PTPRN2: variants seen among roughly 807,000 people sequenced by gnomAD.
PTPRN2 encodes receptor-type tyrosine-protein phosphatase N2.
PTPRN2 carries 74 observed loss-of-function variants against 118.8 expected under a neutral mutation model. The ratio of observed to expected loss-of-function variants is 0.62; its 90% CI spans 0.52 to 0.76. PTPRN2 has a LOEUF of 0.76. Ranked by LOEUF, PTPRN2 falls within the 30% of genes least tolerant of loss-of-function variation. The pLI, the probability that PTPRN2 is intolerant of heterozygous loss-of-function variation, is 0.00. For synonymous variants in PTPRN2, 641 were observed against 608.0 expected, an observed-to-expected ratio of 1.05 and a Z score of -0.80; for missense variants, 1,481 against 1,394.4, an observed-to-expected ratio of 1.06 and a Z score of -0.99.
intron 11 of PTPRN2, among the ~76,000 whole-genome samples, chr7:157,932,347 G>A (rs910329344): frequency 5.3e-5 from 8 of 152,066 alleles, no homozygotes; most frequent in African/African-American, 1.7e-4. Flanking sequence ...CCTGCATACC[G>A]ACGTCATGTC....
At chr7:158,225,536 C>T (rs143202188) in intron 3 of PTPRN2, among the ~76,000 whole-genome samples, 1 of 152,304 alleles carries the variant, frequency 6.6e-6, no homozygotes, top group East Asian at 1.9e-4. Flanking sequence ...CTATGGGAGG[C>T]ACATACGGTT....
chr7:157,754,013 C>T (rs530875077), intron 12 of PTPRN2, among the ~76,000 whole-genome samples: 5 of 152,382 alleles, frequency 3.3e-5, no homozygotes, highest in African/African-American at 9.6e-5. Flanking sequence ...GTTCCCCGCT[C>T]CCCTATCTGA....
At chr7:158,023,493 CAGA>C (rs1273411458) in intron 11 of PTPRN2, among the ~76,000 whole-genome samples, 2 of 152,114 alleles carry the variant, frequency 1.3e-5, no homozygotes, top group Non-Finnish European at 2.9e-5. Context: ...ATAACTCAAG[CAGA>C]AGTTTTCAAA....
intron 11 of PTPRN2, among the ~76,000 whole-genome samples, chr7:158,032,111 C>T (rs914633950): frequency 6.6e-6 from 1 of 152,200 alleles, no homozygotes; most frequent in Non-Finnish European, 1.5e-5. Flanking sequence ...GTGGAGTCTT[C>T]GGCTTCCCTT....
chr7:158,452,969 C>T (rs1379405752), intron 2 of PTPRN2, among the ~76,000 whole-genome samples: 1 of 152,216 alleles, frequency 6.6e-6, no homozygotes, highest in Non-Finnish European at 1.5e-5. Context: ...ACAGGGAGCA[C>T]CCCGAGGATC....
rs986655788 is a variant in PTPRN2 at position 157,784,791 on chromosome 7, C to A, written c.1789-101854G>T. ...CCTGACCCCACACCCGGCCTCTCTGCAGCTAATGGAAGGAAATGAACCCAT... is the reference window on the plus strand; with the variant it reads ...CCTGACCCCACACCCGGCCTCTCTGAAGCTAATGGAAGGAAATGAACCCAT... On this transcript the variant is annotated intron_variant, in intron 12 of 22. Transcript: ENST00000389418. The surrounding 1 kb of genome is among the most constrained non-coding windows in gnomAD (Gnocchi z 4.6). Among the ~76,000 whole-genome samples, 3 of 152,222 alleles carry A rather than the reference C, an allele frequency of 2.0e-5. No homozygotes were observed. In the South Asian group the frequency reaches 6.2e-4, roughly 32 times the overall value.
intron 11 of PTPRN2, among the ~76,000 whole-genome samples, chr7:157,961,018 C>G (rs1288463120): frequency 1.3e-5 from 2 of 151,404 alleles, no homozygotes; most frequent in African/African-American, 4.9e-5. Flanking sequence ...AAAACAAAAA[C>G]AAAACAAAAC....
intron 11 of PTPRN2, among the ~76,000 whole-genome samples, chr7:158,008,531 G>A (rs1805824683): frequency 6.6e-6 from 1 of 152,224 alleles, no homozygotes; most frequent in Admixed American, 6.5e-5. Context: ...TCAAAGAGCA[G>A]CTTAGCATTT....
intron 12 of PTPRN2, among the ~76,000 whole-genome samples, chr7:157,828,638 T>C (rs1274531521): frequency 6.7e-6 from 1 of 149,664 alleles, no homozygotes; most frequent in African/African-American, 2.5e-5. Flanking sequence ...AGAGATGTCC[T>C]GGTTACTGCA....
intron 12 of PTPRN2, among the ~76,000 whole-genome samples, chr7:157,734,867 C>T (rs1002547584): frequency 2.0e-5 from 3 of 152,244 alleles, no homozygotes; most frequent in Admixed American, 6.5e-5. Context: ...ACCTGGCGCT[C>T]GGCCATGTGC....
Position 157,725,450 on chromosome 7 carries a change from C to CTA in PTPRN2, c.1789-42514_1789-42513insTA, listed in dbSNP as rs1563042358. ...CTCGCCTCCCAGGAGAACTGGATAT[C>CTA]CACATGCAGAGGAGTGAGCCAGACC... On this transcript the variant is annotated intron_variant, in intron 12 of 22. Transcript: ENST00000389418. Among the ~76,000 whole-genome samples, 364 of 97,760 alleles carry CTA rather than the reference C, an allele frequency of 3.7e-3. 1 individual carries two copies. Among genetic ancestry groups the CTA allele is most frequent in the African/African-American group, 0.011 (237 of 21,294 alleles). 64.1% of individuals were successfully genotyped at this position (97,760 alleles called of 152,430 possible).
At chr7:158,492,824 G>A (rs1372970330) in intron 1 of PTPRN2, among the ~76,000 whole-genome samples, 1 of 152,228 alleles carries the variant, frequency 6.6e-6, no homozygotes, top group Non-Finnish European at 1.5e-5. Context: ...GTTCAACCCA[G>A]CCCAGGCGCC....
chr7:158,169,138 T>G (rs550691975), intron 5 of PTPRN2, among the ~76,000 whole-genome samples: 25 of 152,332 alleles, frequency 1.6e-4, no homozygotes, highest in Admixed American at 8.5e-4. Context: ...GTCCAGCTCC[T>G]GAGTCTGGCT....
In PTPRN2 at chr7:157,874,322, G is replaced by A. The variant is rs908489153; in HGVS notation, c.1788+24351C>T. On this transcript the variant is annotated intron_variant, in intron 12 of 22. Coordinates refer to ENST00000389418, the MANE Select transcript of PTPRN2 (RefSeq NM_002847.5). The surrounding 1 kb of genome is among the most constrained non-coding windows in gnomAD (Gnocchi z 5.8). The stretch of plus-strand genomic sequence containing the variant: ...GGACTGCAGTGCTCCACTTGGCCTC[G>A]CCCACCTCTCAGCCCATTTTCAACG... Among the ~76,000 whole-genome samples the A allele has an allele frequency of 2.6e-5, 4 of 151,972 alleles. No homozygotes were observed. Among genetic ancestry groups the A allele is most frequent in the Admixed American group, 6.6e-5 (1 of 15,256 alleles).
At chr7:158,109,052 C>T (rs887322493) in intron 10 of PTPRN2, among the ~76,000 whole-genome samples, 5 of 151,864 alleles carry the variant, frequency 3.3e-5, no homozygotes, top group Non-Finnish European at 7.4e-5. Flanking sequence ...TGACATCACC[C>T]CTGTGTGAAG....
chr7:157,917,100 G>C (rs1447958511), intron 11 of PTPRN2, among the ~76,000 whole-genome samples: 2 of 150,186 alleles, frequency 1.3e-5, no homozygotes, highest in Non-Finnish European at 3.0e-5. Flanking sequence ...TCCAGGACAC[G>C]TCCAACACAC....
chr7:157,726,749 A>C (rs1421225806), intron 12 of PTPRN2, among the ~76,000 whole-genome samples: 1 of 152,270 alleles, frequency 6.6e-6, no homozygotes, highest in Non-Finnish European at 1.5e-5. Flanking sequence ...TTTGCGAATC[A>C]AATTGCAGTG....
Position 157,813,278 on chromosome 7 carries a change from C to T in PTPRN2, c.1788+85395G>A, listed in dbSNP as rs906385181. ...GACCTTTGGGACCCCTCACCCTGCC[C>T]GGTCCTCCTGCTGTGGGGTGTGAGT... On this transcript the variant is annotated intron_variant, in intron 12 of 22. Transcript: ENST00000389418. The surrounding 1 kb of genome is among the most constrained non-coding windows in gnomAD (Gnocchi z 4.7). Among the ~76,000 whole-genome samples the T allele has an allele frequency of 3.9e-5, 6 of 152,076 alleles. No individual in the cohort carries two copies. Among genetic ancestry groups the T allele is most frequent in the African/African-American group, 1.5e-4 (6 of 41,374 alleles).
At chr7:157,665,446 G>A (rs535930418) in intron 13 of PTPRN2, among the ~76,000 whole-genome samples, 73 of 152,330 alleles carry the variant, frequency 4.8e-4, no homozygotes, top group Admixed American at 1.6e-3. Flanking sequence ...GATGTCGGCG[G>A]CACTTGCGAA....
Sources: allele counts gnomAD v4.1 joint callset (sites outside exome capture counted in the v4.1 genomes callset), GRCh38; gene constraint gnomAD v4.1.1; non-coding constraint Gnocchi (gnomAD v3.1); transcripts MANE v1.5; gene names NCBI Gene and HGNC (gene_info 2026-07-23, HGNC 2026-07-21).